Variants in PALS2 observed in about 807,000 individuals in gnomAD.
The protein encoded by PALS2 is protein associated with LIN7 2, MAGUK p55 family member.
PALS2 carries 27 observed loss-of-function variants against 61.6 expected under a neutral mutation model. That is an observed-to-expected ratio of 0.44 (90% CI 0.32 to 0.60). PALS2 has a LOEUF of 0.60. PALS2 is among the 20% of genes least tolerant of loss of function. The pLI is 0.05. For synonymous variants in PALS2, 236 were observed against 218.6 expected (o/e 1.08, Z -0.70); for missense variants, 554 against 639.4 (o/e 0.87, Z 1.44).
At chr7:24,580,377 C>T (rs1782794893) in intron 1 of PALS2, among the ~76,000 whole-genome samples, 1 of 152,112 alleles carries the variant, frequency 6.6e-6, no homozygotes, top group South Asian at 2.1e-4. Flanking sequence ...TAAAATAATA[C>T]ATCCTGTGGA....
At chr7:24,610,748 A>G (rs1366625402) in intron 1 of PALS2, among the ~76,000 whole-genome samples, 1 of 152,184 alleles carries the variant, frequency 6.6e-6, no homozygotes, top group African/African-American at 2.4e-5. Context: ...GTACTTTACA[A>G]AATAATGTTG....
intron 1 of PALS2, among the ~76,000 whole-genome samples, chr7:24,617,544 A>G (rs896157928): frequency 2.6e-5 from 4 of 152,306 alleles, no homozygotes; most frequent in South Asian, 4.1e-4. Flanking sequence ...AAAAACTTAG[A>G]GTATTGGTTG....
chr7:24,669,814 C>G (rs1428453011), intron 9 of PALS2, among the ~76,000 whole-genome samples: 1 of 152,166 alleles, frequency 6.6e-6, no homozygotes, highest in Non-Finnish European at 1.5e-5. Flanking sequence ...CATTGTAAAT[C>G]ACTAAATTTA....
rs1788431692 is a variant in PALS2 at position 24,690,811 on chromosome 7, A to G, written c.*3197A>G. On this transcript the variant is annotated 3_prime_UTR_variant, in exon 12 of 12. Transcript: ENST00000222644. ...TGCTGAACATAGCTTTCTGAAATAG[A>G]AATTATAAGAGAAACCCAGTATGCC... 1 of 152,224 alleles carries G rather than the reference A, an allele frequency of 6.6e-6. No homozygotes were observed. The highest frequency in any genetic ancestry group is 1.5e-5 in the Non-Finnish European group (1 of 68,040). The allele number at this position is 152,224 out of a possible 1,614,324, so 9.4% of individuals were successfully genotyped here.
Position 24,641,614 on chromosome 7 carries a change from T to C in PALS2, c.118-102T>C. 2.9e-6 allele frequency: 3 copies of C among 1,034,056 alleles called. No individual in the cohort carries two copies. In the South Asian group the frequency reaches 5.5e-5, roughly 19 times the overall value. 64.1% of individuals were successfully genotyped at this position (1,034,056 alleles called of 1,614,324 possible). A position where few individuals can be genotyped will look rare whatever the true frequency, so the allele number is the denominator to read the frequency against. ...AAATTTGGTTTACATGAATTAAATC[T>C]CCAAGTAATATATTTTAAAACTTTA... On this transcript the variant is annotated intron_variant, in intron 2 of 11. Transcript: ENST00000222644.
chr7:24,633,420 A>C (rs1056893263), intron 2 of PALS2, among the ~76,000 whole-genome samples: 8 of 147,808 alleles, frequency 5.4e-5, no homozygotes, highest in African/African-American at 2.0e-4. Context: ...TGTTTCCTGA[A>C]GAGTTCAGTA....
chr7:24,599,779 A>G (rs1049229216), intron 1 of PALS2, among the ~76,000 whole-genome samples: 1 of 152,100 alleles, frequency 6.6e-6, no homozygotes, highest in African/African-American at 2.4e-5. Context: ...TGCCGGGATT[A>G]CAGGTGTGAG....
At chr7:24,580,326 T>G (rs886642039) in intron 1 of PALS2, among the ~76,000 whole-genome samples, 1 of 152,158 alleles carries the variant, frequency 6.6e-6, no homozygotes, top group Non-Finnish European at 1.5e-5. Flanking sequence ...GGCAGGAGCA[T>G]GTTTATATTG....
At chr7:24,610,925 T>A (rs1583871360) in intron 1 of PALS2, among the ~76,000 whole-genome samples, 1 of 152,236 alleles carries the variant, frequency 6.6e-6, no homozygotes, top group East Asian at 1.9e-4. Context: ...CTGTAAAATA[T>A]AAGAGCAGAA....
intron 1 of PALS2, among the ~76,000 whole-genome samples, chr7:24,587,034 T>TTTTTTTTG (rs1562599436): frequency 1.3e-5 from 2 of 151,312 alleles, no homozygotes; most frequent in Admixed American, 1.3e-4. Context: ...TAAAGGATTT[T>TTTTTTTTG]TTTTTTGTTT....
intron 1 of PALS2, among the ~76,000 whole-genome samples, chr7:24,577,131 A>C (rs942710608): frequency 1.3e-5 from 2 of 152,168 alleles, no homozygotes; most frequent in African/African-American, 4.8e-5. Context: ...ACCTTTCTAT[A>C]ATCTTTATCA....
chr7:24,624,985 T>G (rs1234877566), intron 2 of PALS2, among the ~76,000 whole-genome samples: 1 of 152,186 alleles, frequency 6.6e-6, no homozygotes, highest in African/African-American at 2.4e-5. Flanking sequence ...AACGAATCCA[T>G]TTGCAGATCA....
At chr7:24,646,915 A>G (rs771237909) in intron 3 of PALS2, among the ~76,000 whole-genome samples, 4 of 151,964 alleles carry the variant, frequency 2.6e-5, no homozygotes, top group East Asian at 1.9e-4. Flanking sequence ...TCTCTCTTCT[A>G]GGTTTTCTGG....
At chr7:24,663,791 A>C (rs915659375) in intron 6 of PALS2, 70 bp downstream of exon 6, 4 of 1,475,426 alleles carry the variant, frequency 2.7e-6, no homozygotes, top group Non-Finnish European at 3.7e-6. Context: ...CAATATCTGA[A>C]TAGTCAGGAA....
intron 1 of PALS2, among the ~76,000 whole-genome samples, chr7:24,598,669 A>T (rs570171871): frequency 1.3e-5 from 2 of 152,306 alleles, no homozygotes; most frequent in Admixed American, 6.5e-5. Context: ...CAAATTTCTG[A>T]AACTGTGCTA....
intron 1 of PALS2, among the ~76,000 whole-genome samples, chr7:24,602,087 G>A (rs74556855): frequency 0.063 from 9,583 of 151,728 alleles, 353 homozygotes; most frequent in African/African-American, 0.093. Flanking sequence ...ATTTTCTTCT[G>A]TTTTTCTACT....
intron 1 of PALS2, chr7:24,620,314 T>C (rs976609454): frequency 6.6e-5 from 10 of 152,216 alleles, no homozygotes; most frequent in African/African-American, 2.2e-4. Flanking sequence ...CTTTATCGTT[T>C]CATATGCTTT....
chr7:24,659,277 C>T (rs1385352613), intron 5 of PALS2, among the ~76,000 whole-genome samples: 1 of 152,126 alleles, frequency 6.6e-6, no homozygotes, highest in East Asian at 1.9e-4. Flanking sequence ...GATTTCATAT[C>T]TTTGCTGTTG....
chr7:24,575,507 A>C (rs1056084584), intron 1 of PALS2, among the ~76,000 whole-genome samples: 1 of 152,100 alleles, frequency 6.6e-6, no homozygotes, highest in Non-Finnish European at 1.5e-5. Context: ...CCCTCTTTTT[A>C]GCTTGAGATA....
Sources: allele counts gnomAD v4.1 joint callset (sites outside exome capture counted in the v4.1 genomes callset), GRCh38; gene constraint gnomAD v4.1.1; transcripts MANE v1.5; gene names NCBI Gene and HGNC (gene_info 2026-07-23, HGNC 2026-07-21).